SV2C: variants seen among roughly 807,000 people sequenced by gnomAD.
The protein encoded by SV2C is solute carrier family 22 member B3.
In SV2C, 49 loss-of-function variants were observed where a neutral mutation model predicts 79.7. The observed-to-expected ratio is 0.61, with a 90% CI of 0.49 to 0.78. The LOEUF (loss-of-function observed/expected upper bound fraction) is 0.78. Ranked by LOEUF, SV2C falls within the 30% of genes least tolerant of loss-of-function variation. The pLI, the probability that SV2C is intolerant of heterozygous loss-of-function variation, is 0.00. For synonymous variants in SV2C, 334 were observed against 333.2 expected (o/e 1.00, Z -0.03); for missense variants, 833 against 912.9 (o/e 0.91, Z 1.13).
intron 1 of SV2C, among the ~76,000 whole-genome samples, chr5:76,099,378 G>A (rs1395657979): frequency 6.6e-6 from 1 of 151,640 alleles, no homozygotes; most frequent in East Asian, 2.0e-4. Flanking sequence ...GTGTGTGTGT[G>A]TGTGTGTGTG....
chr5:75,900,678 C>G, the SV2C span, among the ~76,000 whole-genome samples: 44 of 152,312 alleles, frequency 2.9e-4, no homozygotes, highest in Admixed American at 7.2e-4. Context: ...TGGTTCCACT[C>G]TCCCCGTCAC....
chr5:76,026,847 G>A, the SV2C span, among the ~76,000 whole-genome samples: 1 of 152,166 alleles, frequency 6.6e-6, no homozygotes, highest in Non-Finnish European at 1.5e-5. Flanking sequence ...TGGCGCTGGG[G>A]AAGTGGGAGT....
chr5:76,168,890 T>C (rs1293367327), intron 2 of SV2C, among the ~76,000 whole-genome samples: 4 of 152,198 alleles, frequency 2.6e-5, no homozygotes, highest in African/African-American at 9.7e-5. Flanking sequence ...GTAGACACTA[T>C]TGCTTACTAA....
intron 2 of SV2C, among the ~76,000 whole-genome samples, chr5:76,143,031 G>A (rs1351510247): frequency 1.3e-5 from 2 of 151,788 alleles, no homozygotes; most frequent in African/African-American, 4.8e-5. Flanking sequence ...CAAGTAGCTG[G>A]GGTTACAGGC....
the SV2C span, among the ~76,000 whole-genome samples, chr5:76,026,201 A>ACACACAC: frequency 2.1e-5 from 3 of 140,138 alleles, no homozygotes; most frequent in East Asian, 2.2e-4. Context: ...CAAATTTACA[A>ACACACAC]ACACACACAC....
the SV2C span, among the ~76,000 whole-genome samples, chr5:76,076,882 G>T: frequency 1.3e-5 from 2 of 152,158 alleles, no homozygotes; most frequent in Non-Finnish European, 2.9e-5. Context: ...TGTAATGGAG[G>T]GTGGGCTGTG....
the SV2C span, among the ~76,000 whole-genome samples, chr5:75,977,818 G>A: frequency 6.6e-6 from 1 of 152,070 alleles, no homozygotes; most frequent in African/African-American, 2.4e-5. Context: ...CCCTCACCTA[G>A]TTAAGGACAT....
At chr5:76,091,463 C>T (rs1747373063) in intron 1 of SV2C, among the ~76,000 whole-genome samples, 1 of 152,202 alleles carries the variant, frequency 6.6e-6, no homozygotes, top group African/African-American at 2.4e-5. Context: ...TCTCACTGCC[C>T]AGAATGCCTT....
chr5:76,319,924 G>T (rs1023360495), intron 12 of SV2C, among the ~76,000 whole-genome samples: 1 of 152,140 alleles, frequency 6.6e-6, no homozygotes, highest in Admixed American at 6.5e-5. Context: ...ATACACTCAG[G>T]CCATTTTCCC....
chr5:76,199,454 G>A (rs17651293), intron 3 of SV2C, among the ~76,000 whole-genome samples: 25,046 of 152,120 alleles, frequency 0.16, 2,214 homozygotes, highest in Non-Finnish European at 0.19. Context: ...TCCCAGAGGC[G>A]TTTCCTGAGA....
chr5:75,991,783 T>C, the SV2C span, among the ~76,000 whole-genome samples: 2 of 151,754 alleles, frequency 1.3e-5, no homozygotes, highest in South Asian at 2.1e-4. Flanking sequence ...TTTAGTATGA[T>C]CCAGTAATTT....
intron 1 of SV2C, among the ~76,000 whole-genome samples, chr5:76,126,987 G>T (rs1217864065): frequency 2.0e-5 from 3 of 152,224 alleles, no homozygotes; most frequent in Non-Finnish European, 4.4e-5. Flanking sequence ...GCACATGGCT[G>T]ACATAATAAC....
intron 2 of SV2C, among the ~76,000 whole-genome samples, chr5:76,153,969 T>C (rs1448448513): frequency 3.3e-5 from 5 of 152,106 alleles, no homozygotes; most frequent in African/African-American, 4.8e-5. Flanking sequence ...AATCAAGGGG[T>C]GTTAGCATGC....
intron 4 of SV2C, among the ~76,000 whole-genome samples, chr5:76,271,349 G>T (rs1027336629): frequency 6.6e-6 from 1 of 152,130 alleles, no homozygotes; most frequent in Admixed American, 6.5e-5. Context: ...TCAGTAACGT[G>T]ATGGGCTATG....
At chr5:75,888,820 C>T in the SV2C span, among the ~76,000 whole-genome samples, 1 of 152,070 alleles carries the variant, frequency 6.6e-6, no homozygotes, top group Non-Finnish European at 1.5e-5. Flanking sequence ...TACCTAGAAT[C>T]TTGCATATTA....
chr5:76,190,625 AG>A (rs1744070727), intron 2 of SV2C, among the ~76,000 whole-genome samples: 3 of 152,164 alleles, frequency 2.0e-5, no homozygotes, highest in Admixed American at 2.0e-4. Context: ...TTCATAGTCT[AG>A]TTGAGAAGAG....
At chr5:75,987,886 G>C in the SV2C span, among the ~76,000 whole-genome samples, 1 of 152,024 alleles carries the variant, frequency 6.6e-6, no homozygotes, top group Admixed American at 6.6e-5. Flanking sequence ...TAGGGTGTTT[G>C]TGTGAGAATC....
chr5:76,125,621 A>C (rs1197455438), intron 1 of SV2C, among the ~76,000 whole-genome samples: 1 of 152,178 alleles, frequency 6.6e-6, no homozygotes, highest in African/African-American at 2.4e-5. Context: ...GTGTGAGAGC[A>C]TATAAAGTCA....
intron 4 of SV2C, among the ~76,000 whole-genome samples, chr5:76,257,712 GTA>G (rs947761457): frequency 7.3e-5 from 11 of 151,310 alleles, no homozygotes; most frequent in African/African-American, 2.7e-4. Context: ...GTAGGTAGGT[GTA>G]TGTGTGTGTA....
Sources: gnomAD v4.1 joint callset for allele counts (sites outside exome capture counted in the v4.1 genomes callset) on GRCh38, gnomAD v4.1.1 for gene constraint, MANE v1.5 for transcripts, NCBI Gene and HGNC (gene_info 2026-07-23, HGNC 2026-07-21) for gene names.